CCDC6: variants seen among roughly 807,000 people sequenced by gnomAD.
CCDC6 encodes the protein coiled-coil domain containing 6.
Under a neutral mutation model 56.6 loss-of-function variants are expected in CCDC6, and 20 were observed. That is an observed-to-expected ratio of 0.35 (90% CI 0.25 to 0.51). The LOEUF (loss-of-function observed/expected upper bound fraction) is 0.51. Among genes scored for constraint, CCDC6 ranks in the 20% least tolerant of loss-of-function variants. CCDC6 has a pLI of 0.95. For missense variants in CCDC6, 367 were observed against 601.1 expected, an observed-to-expected ratio of 0.61 and a Z score of 4.07; for synonymous variants, 241 against 234.4, an observed-to-expected ratio of 1.03 and a Z score of -0.26.
At chr10:59,882,567 C>G (rs76435081) in intron 1 of CCDC6, among the ~76,000 whole-genome samples, 124 of 4,266 alleles carry the variant, frequency 0.029, no homozygotes, top group Middle Eastern at 0.25. Context: ...AGGAAAGCCG[C>G]GGGGAGAAGG....
In CCDC6 at chr10:59,820,813, A is replaced by C. The variant is rs145535121; in HGVS notation, c.583-6058T>G. On this transcript the variant is annotated intron_variant, in intron 3 of 8. Transcript: ENST00000263102. ...AGAAAAAAAAGAAAAAGATAGCAGA[A>C]TACTTTAACAGCCACATTAACCAAA... Among the ~76,000 whole-genome samples, 530 of 152,170 alleles carry C rather than the reference A, an allele frequency of 3.5e-3. 3 individuals carry two copies. The highest frequency in any genetic ancestry group is 0.012 in the African/African-American group (496 of 41,536).
rs757432690 is a variant in CCDC6, at chr10:59,906,169, C to A, written c.256G>T (p.Ala86Ser). The A allele has an allele frequency of 1.2e-6, 2 of 1,611,470 alleles. No individual in the cohort carries two copies. The highest frequency in any genetic ancestry group is 3.3e-5 in the Admixed American group (2 of 59,806). ...AGGTCGCGGTTCTCCTCCTGCAGTG[C>A]CTTGCACTTCAGTTTGTAGGTCTCC... Reference protein sequence around the residue: ...ELETYKLKCKALQEENRDLRK... With the variant: ...ELETYKLKCKSLQEENRDLRK... The change falls in exon 1 of 9, where the codon GCA becomes TCA. Residue 86 changes from alanine to serine, a missense_variant. Coordinates refer to ENST00000263102, the MANE Select transcript of CCDC6 (RefSeq NM_005436.5).
chr10:59,814,623 C>CA (rs747215372), intron 4 of CCDC6, 29 bp downstream of exon 4: 2 of 1,339,322 alleles, frequency 1.5e-6, no homozygotes, highest in Non-Finnish European at 1.1e-6. Context: ...CACACACACA[C>CA]CCATACTGAA....
At chr10:59,843,729 T>G (rs565701201) in intron 2 of CCDC6, among the ~76,000 whole-genome samples, 2 of 152,194 alleles carry the variant, frequency 1.3e-5, no homozygotes, top group Non-Finnish European at 2.9e-5. Context: ...TCCATCTCCT[T>G]TGGCTAAGCA....
chr10:59,848,428 C>T (rs375290495), intron 2 of CCDC6, among the ~76,000 whole-genome samples: 2 of 152,188 alleles, frequency 1.3e-5, no homozygotes, highest in East Asian at 1.9e-4. Context: ...CCTATAATCC[C>T]AGCACTTTGG....
rs76602134 is a variant in CCDC6 at position 59,801,437 on chromosome 10, C to T, written c.1105+2983G>A. Among the ~76,000 whole-genome samples, 128 of 152,300 alleles carry T rather than the reference C, an allele frequency of 8.4e-4. No homozygotes were observed. The East Asian group carries it at 0.023, about 27-fold the overall frequency. ...GATCTCCACTCCTAATTGTACTTGA[C>T]CTGGCAGCTAACCACTCCCTTCTTG... On this transcript the variant is annotated intron_variant, in intron 7 of 8. Transcript: ENST00000263102.
At chr10:59,870,060 G>A (rs974937934) in intron 1 of CCDC6, among the ~76,000 whole-genome samples, 7 of 152,010 alleles carry the variant, frequency 4.6e-5, no homozygotes, top group South Asian at 2.1e-4. Context: ...TCTTTCCATC[G>A]AGGATGTATC....
intron 1 of CCDC6, among the ~76,000 whole-genome samples, chr10:59,873,585 G>A (rs1017040459): frequency 1.3e-5 from 2 of 152,070 alleles, no homozygotes; most frequent in African/African-American, 2.4e-5. Flanking sequence ...GTGAAACATT[G>A]TTACAACAGC....
intron 2 of CCDC6, among the ~76,000 whole-genome samples, chr10:59,847,230 T>C (rs1039718531): frequency 6.6e-6 from 1 of 152,054 alleles, no homozygotes; most frequent in Non-Finnish European, 1.5e-5. Flanking sequence ...TTTTTTTGTA[T>C]TTTTAGTAGA....
At chr10:59,829,929 A>G (rs552795311) in intron 3 of CCDC6, among the ~76,000 whole-genome samples, 4 of 152,242 alleles carry the variant, frequency 2.6e-5, no homozygotes, top group Non-Finnish European at 4.4e-5. Context: ...GCTGTTAAAA[A>G]GAAAGTGAAC....
At chr10:59,849,828 T>C (rs1172410509) in intron 2 of CCDC6, among the ~76,000 whole-genome samples, 2 of 152,182 alleles carry the variant, frequency 1.3e-5, no homozygotes, top group Non-Finnish European at 2.9e-5. Context: ...AAAAAGTCTA[T>C]TGGTATCAAT....
At chr10:59,873,931 C>A (rs2071254356) in intron 1 of CCDC6, among the ~76,000 whole-genome samples, 1 of 151,982 alleles carries the variant, frequency 6.6e-6, no homozygotes, top group Non-Finnish European at 1.5e-5. Flanking sequence ...ATGAATGTTC[C>A]CCATTCCTAT....
chr10:59,839,890 A>G (rs923977093), intron 2 of CCDC6, among the ~76,000 whole-genome samples: 3 of 152,072 alleles, frequency 2.0e-5, no homozygotes, highest in Admixed American at 6.6e-5. Context: ...TAGTGGCGTG[A>G]TCTTGGCTCA....
chr10:59,828,992 T>G (rs1226191744), intron 3 of CCDC6, among the ~76,000 whole-genome samples: 1 of 152,204 alleles, frequency 6.6e-6, no homozygotes, highest in Non-Finnish European at 1.5e-5. Context: ...TAGACCTTCA[T>G]GATCTAGCTG....
chr10:59,894,029 T>G (rs1231881748), intron 1 of CCDC6, among the ~76,000 whole-genome samples: 1 of 152,166 alleles, frequency 6.6e-6, no homozygotes, highest in Non-Finnish European at 1.5e-5. Flanking sequence ...GGTAAAGGGT[T>G]GAGAACCATA....
intron 1 of CCDC6, among the ~76,000 whole-genome samples, chr10:59,889,920 T>G (rs928732146): frequency 6.6e-6 from 1 of 152,180 alleles, no homozygotes; most frequent in Non-Finnish European, 1.5e-5. Flanking sequence ...CCACTTCAGC[T>G]TCTCAGCAAC....
intron 1 of CCDC6, among the ~76,000 whole-genome samples, chr10:59,868,510 T>C (rs1319085725): frequency 6.6e-6 from 1 of 152,198 alleles, no homozygotes; most frequent in Admixed American, 6.5e-5. Context: ...GATGAAAGCC[T>C]CTAATAAAAC....
chr10:59,844,087 A>C (rs1458135089), intron 2 of CCDC6, among the ~76,000 whole-genome samples: 1 of 152,178 alleles, frequency 6.6e-6, no homozygotes, highest in Non-Finnish European at 1.5e-5. Flanking sequence ...TTTAACAAAG[A>C]AGGATTTTGT....
At chr10:59,903,348 T>C (rs11819256) in intron 1 of CCDC6, among the ~76,000 whole-genome samples, 26,804 of 152,190 alleles carry the variant, frequency 0.18, 3,049 homozygotes, top group Middle Eastern at 0.27. Flanking sequence ...ACCACTATGA[T>C]GAAAGATGTT....
Sources: allele counts gnomAD v4.1 joint callset (sites outside exome capture counted in the v4.1 genomes callset), GRCh38; gene constraint gnomAD v4.1.1; transcripts MANE v1.5; gene names NCBI Gene and HGNC (gene_info 2026-07-23, HGNC 2026-07-21).